CHEK1: variants seen among roughly 807,000 people sequenced by gnomAD.
CHEK1 encodes checkpoint kinase 1.
CHEK1 carries 32 observed loss-of-function variants against 60.2 expected under a neutral mutation model. The observed-to-expected ratio is 0.53, with a 90% CI of 0.40 to 0.71. The LOEUF is 0.71. Among genes scored for constraint, CHEK1 ranks in the 30% least tolerant of loss-of-function variants. CHEK1 has a pLI of 0.00. For missense variants in CHEK1, 399 were observed against 564.6 expected, an observed-to-expected ratio of 0.71 and a Z score of 2.97; for synonymous variants, 179 against 187.2, an observed-to-expected ratio of 0.96 and a Z score of 0.36.
At chr11:125,675,156 T>C (rs1484654085) in intron 13 of CHEK1, among the ~76,000 whole-genome samples, 1 of 152,234 alleles carries the variant, frequency 6.6e-6, no homozygotes, top group Non-Finnish European at 1.5e-5. Context: ...TTTTTTAAAG[T>C]TGCTCAGGTG....
chr11:125,640,507 A>C (rs1451118113), intron 8 of CHEK1, among the ~76,000 whole-genome samples: 2 of 148,910 alleles, frequency 1.3e-5, no homozygotes, highest in Non-Finnish European at 3.0e-5. Flanking sequence ...GCACCACTGC[A>C]CTCCAGCCTG....
At chr11:125,639,087 A>G (rs1941182585) in intron 8 of CHEK1, among the ~76,000 whole-genome samples, 2 of 152,078 alleles carry the variant, frequency 1.3e-5, no homozygotes, top group Non-Finnish European at 2.9e-5. Flanking sequence ...AGTCATTATA[A>G]ATGACTGCTT....
In CHEK1 at chr11:125,625,785, C is replaced by A. The variant is rs1391215861; in HGVS notation, c.-248C>A. 1 of 698,272 alleles carries A rather than the reference C, an allele frequency of 1.4e-6. No homozygotes were observed. Among genetic ancestry groups the A allele is most frequent in the South Asian group, 1.5e-5 (1 of 67,536 alleles). 43.3% of individuals were successfully genotyped at this position (698,272 alleles called of 1,614,324 possible). On this transcript the variant is annotated 5_prime_UTR_variant, in exon 1 of 13. Transcript: ENST00000438015. ...GATGCGGTCCGCCGTCCTTAAATCTCTTCAGCCAGGATCTCTCCCCGACTG... is the reference window on the plus strand; with the variant it reads ...GATGCGGTCCGCCGTCCTTAAATCTATTCAGCCAGGATCTCTCCCCGACTG...
chr11:125,659,297 A>C (rs941575525), downstream of CHEK1, among the ~76,000 whole-genome samples: 2 of 149,932 alleles, frequency 1.3e-5, no homozygotes, highest in African/African-American at 4.9e-5. Context: ...TTTCTCTTGC[A>C]GTTTATTGGT....
At chr11:125,672,008 TATC>T (rs1942215729) in intron 13 of CHEK1, 2 of 152,258 alleles carry the variant, frequency 1.3e-5, no homozygotes, top group African/African-American at 2.4e-5. Context: ...ATTATACTAT[TATC>T]ATTATGTTAG....
At chr11:125,648,246 G>A (rs558793392) in intron 11 of CHEK1, among the ~76,000 whole-genome samples, 2 of 152,016 alleles carry the variant, frequency 1.3e-5, no homozygotes, top group Non-Finnish European at 2.9e-5. Flanking sequence ...ATTAACTCCA[G>A]TAGTTTTTTT....
intron 13 of CHEK1, among the ~76,000 whole-genome samples, chr11:125,668,632 C>T (rs1304997950): frequency 6.6e-6 from 1 of 152,144 alleles, no homozygotes; most frequent in Non-Finnish European, 1.5e-5. Flanking sequence ...TAGCTCACTG[C>T]AGCCTCAAAT....
rs568290475 is a variant in CHEK1 at position 125,635,407 on chromosome 11, C to T, written c.614-22C>T. 2.2e-5 allele frequency: 30 copies of T among 1,390,402 alleles called. No homozygotes were observed. The South Asian group carries it at 3.5e-4, about 16-fold the overall frequency. 86.1% of individuals were successfully genotyped at this position (1,390,402 alleles called of 1,614,324 possible). ...TTTATAATAAGAACATTTAAAAAAA[C>T]TGGGACTTGCTTTGTTTTTAGAATT... On this transcript the variant is annotated intron_variant, in intron 6 of 12. Transcript: ENST00000438015.
At chr11:125,661,773 C>T (rs369311732), downstream of CHEK1, among the ~76,000 whole-genome samples, 22 of 152,028 alleles carry the variant, frequency 1.4e-4, no homozygotes, top group East Asian at 2.9e-3. Flanking sequence ...AAGATCTTTA[C>T]ACTTTTATAA....
At chr11:125,643,765 A>T in intron 8 of CHEK1, 27 bp from the exon 9 acceptor site, 1 of 1,574,920 alleles carries the variant, frequency 6.3e-7, no homozygotes, top group Non-Finnish European at 8.7e-7. Context: ...AAGACTTGAA[A>T]GCATTTGTAT....
chr11:125,638,109 G>T (rs1420576950), intron 8 of CHEK1, among the ~76,000 whole-genome samples: 1 of 152,202 alleles, frequency 6.6e-6, no homozygotes, highest in Non-Finnish European at 1.5e-5. Context: ...ATTTGTGGAA[G>T]AAGACCTTGT....
chr11:125,664,130 A>G (rs907074893), intron 13 of CHEK1, among the ~76,000 whole-genome samples: 2 of 152,042 alleles, frequency 1.3e-5, no homozygotes, highest in African/African-American at 4.8e-5. Flanking sequence ...GTGAGGTAGT[A>G]TGATGCCTCC....
intron 11 of CHEK1, among the ~76,000 whole-genome samples, chr11:125,651,267 G>A (rs1051771122): frequency 8.0e-5 from 12 of 150,382 alleles, no homozygotes; most frequent in African/African-American, 2.9e-4. Flanking sequence ...AGTTACAAAG[G>A]TGAAATAAAG....
rs111501425 is a variant in CHEK1, at chr11:125,637,381, C to T, written c.719-68C>T. ...AAGTAGGCTAACAGAAAATGTGTTT[C>T]TTACCTCAAGCCATAGGCTTCTCTA... On this transcript the variant is annotated intron_variant, in intron 7 of 12. Coordinates refer to ENST00000438015, the MANE Select transcript of CHEK1 (RefSeq NM_001114122.3). 1.0e-5 allele frequency: 13 copies of T among 1,264,710 alleles called. No individual in the cohort carries two copies. In the African/African-American group the frequency reaches 1.4e-4, roughly 13 times the overall value. 78.3% of individuals were successfully genotyped at this position (1,264,710 alleles called of 1,614,324 possible).
rs1940574124 is a variant in CHEK1, at chr11:125,625,934, C to T, written c.-99C>T. 1 of 702,614 alleles carries T rather than the reference C, an allele frequency of 1.4e-6. No individual in the cohort carries two copies. The allele number at this position is 702,614 out of a possible 1,614,324, so 43.5% of individuals were successfully genotyped here. Reference sequence around the variant, plus strand: ...TTTACGGCGCGGGTGCGCGAGTTTGCGGCAGCGTGACGCCCTCAAGTTTTG... The same window carrying T: ...TTTACGGCGCGGGTGCGCGAGTTTGTGGCAGCGTGACGCCCTCAAGTTTTG... On this transcript the variant is annotated 5_prime_UTR_variant, in exon 1 of 13. Transcript: ENST00000438015.
chr11:125,645,780 C>A (rs1042644352), intron 11 of CHEK1, among the ~76,000 whole-genome samples: 1 of 152,152 alleles, frequency 6.6e-6, no homozygotes, highest in Non-Finnish European at 1.5e-5. Context: ...AATAAACACA[C>A]ACATATCTGG....
intron 7 of CHEK1, 57 bp downstream of exon 7, chr11:125,635,590 C>A: frequency 2.7e-6 from 3 of 1,131,362 alleles, no homozygotes; most frequent in Non-Finnish European, 3.8e-6. Context: ...AAGTCTTGTG[C>A]TATTTGAATT....
chr11:125,627,250 G>A (rs515255), intron 2 of CHEK1, among the ~76,000 whole-genome samples: 69,444 of 151,966 alleles, frequency 0.46, 16,810 homozygotes, highest in Admixed American at 0.57. Flanking sequence ...CTACCCCATA[G>A]GAGCTTAGGA....
At chr11:125,681,064 A>T (rs1457520327), downstream of CHEK1, 2 of 27,382 alleles carry the variant, frequency 7.3e-5, no homozygotes, top group African/African-American at 3.1e-4. This position sits in a 1 kb window ranked among gnomAD's most constrained non-coding sequence, Gnocchi z 4.2. Context: ...CCCTATCTTT[A>T]AAAAAAAAAA....
Sources: gnomAD v4.1 joint callset for allele counts (sites outside exome capture counted in the v4.1 genomes callset) on GRCh38, gnomAD v4.1.1 for gene constraint, Gnocchi (gnomAD v3.1) non-coding constraint, MANE v1.5 for transcripts, NCBI Gene and HGNC (gene_info 2026-07-23, HGNC 2026-07-21) for gene names.